The following SLC7A13 variants were observed in gnomAD, a reference collection of about 807,000 sequenced individuals.
SLC7A13 encodes the protein X-amino acid transporter 2.
SLC7A13 carries 31 observed loss-of-function variants against 32.0 expected under a neutral mutation model. The observed-to-expected ratio is 0.97, with a 90% CI of 0.73 to 1.31. The LOEUF (loss-of-function observed/expected upper bound fraction) is 1.31, where lower values mean the gene tolerates loss of function less well. Ranked by LOEUF, SLC7A13 falls within the 50% of genes most tolerant of loss-of-function variation. The pLI is 0.00. For missense variants in SLC7A13, 633 were observed against 546.9 expected (o/e 1.16, Z -1.57); for synonymous variants, 232 against 206.9 (o/e 1.12, Z -1.04).
chr8:86,230,196 C>G lies in SLC7A13; in HGVS notation c.82G>C (p.Gly28Arg). 1 of 1,614,006 alleles carries G rather than the reference C, an allele frequency of 6.2e-7. No individual in the cohort carries two copies. The highest frequency in any genetic ancestry group is 1.1e-5 in the South Asian group (1 of 91,038). Residue 28 changes from glycine (G) to arginine (R), a missense_variant, in exon 1 of 4, where the codon GGT becomes CGT. Coordinates refer to ENST00000297524, the MANE Select transcript of SLC7A13 (RefSeq NM_138817.3). ...TTGGGGGACACAAAAATTCCTGCAC[C>G]AATGATATTAATAAGCAAAAAACTT... ...GTSFLLINIIGAGIFVSPKGV... is the reference protein window; with the variant it reads ...GTSFLLINIIRAGIFVSPKGV...
chr8:86,221,396 G>A (rs1820292431), intron 2 of SLC7A13, among the ~76,000 whole-genome samples: 1 of 152,058 alleles, frequency 6.6e-6, no homozygotes, highest in Admixed American at 6.6e-5. Flanking sequence ...ATGTATGACT[G>A]ATTATTTTCT....
At chr8:86,218,468 C>T (rs1426556758) in intron 2 of SLC7A13, among the ~76,000 whole-genome samples, 1 of 152,112 alleles carries the variant, frequency 6.6e-6, no homozygotes, top group African/African-American at 2.4e-5. Context: ...TTGGCAATAT[C>T]TGGAGACTTT....
intron 2 of SLC7A13, among the ~76,000 whole-genome samples, chr8:86,219,862 A>T (rs1470308872): frequency 6.6e-6 from 1 of 152,086 alleles, no homozygotes. Context: ...CCCATTCTTG[A>T]TAGTTGTTCA....
chr8:86,223,406 T>C (rs1209223940), intron 1 of SLC7A13, among the ~76,000 whole-genome samples: 1 of 152,200 alleles, frequency 6.6e-6, no homozygotes, highest in Non-Finnish European at 1.5e-5. Flanking sequence ...TAATTATGAG[T>C]GAGAAGGTAT....
intron 1 of SLC7A13, among the ~76,000 whole-genome samples, chr8:86,225,077 T>TA (rs1293399687): frequency 6.6e-6 from 1 of 152,106 alleles, no homozygotes; most frequent in Non-Finnish European, 1.5e-5. Context: ...AAATCTTCCT[T>TA]AAAATATAGC....
intron 2 of SLC7A13, among the ~76,000 whole-genome samples, chr8:86,219,689 C>T (rs898339005): frequency 6.6e-5 from 10 of 152,144 alleles, no homozygotes; most frequent in Non-Finnish European, 1.3e-4. Context: ...TCATCTTGCT[C>T]TTATTGGTAC....
rs754622532 is a variant in SLC7A13, at chr8:86,229,909, A to G, written c.369T>C (p.Phe123=). Residue 123 remains phenylalanine (F), a synonymous_variant, in exon 1 of 4, where the codon TTT becomes TTC. Transcript: ENST00000297524. ...LLLAEYSIQP[F]FPSCSVPKLP... is the part of the protein sequence containing the mutation. ...GCTTTGGGACAGAGCAGCTGGGAAA[A>G]AAAGGCTGGATGCTGTACTCAGCAA... 8 of 1,614,088 alleles carry G rather than the reference A, an allele frequency of 5.0e-6. No individual in the cohort carries two copies. The highest frequency in any genetic ancestry group is 1.3e-5 in the African/African-American group (1 of 74,944).
Position 86,222,963 on chromosome 8 carries a change from C to G in SLC7A13, c.817+9G>C. 1 of 1,585,878 alleles carries G rather than the reference C, an allele frequency of 6.3e-7. No homozygotes were observed. Among genetic ancestry groups the G allele is most frequent in the Non-Finnish European group, 8.6e-7 (1 of 1,168,568 alleles). ...CTTTATTTATTGCTTTAGCCATTTG[C>G]ATACAAACCTGAAGAGAGAATTTCC... is the stretch of plus-strand genomic sequence containing the variant. On this transcript the variant is annotated intron_variant, in intron 2 of 3. Transcript: ENST00000297524.
intron 1 of SLC7A13, among the ~76,000 whole-genome samples, chr8:86,227,977 A>G (rs762621142): frequency 5.9e-5 from 9 of 152,114 alleles, no homozygotes; most frequent in Non-Finnish European, 1.2e-4. Flanking sequence ...AAAATTACCT[A>G]TTGGGTACAG....
intron 3 of SLC7A13, 106 bp downstream of exon 3, chr8:86,217,362 CTG>C: frequency 9.7e-7 from 1 of 1,034,740 alleles, no homozygotes; most frequent in Non-Finnish European, 1.3e-6. Flanking sequence ...TTCACAGTAA[CTG>C]AGTATTCAGA....
At position 86,214,425 on chromosome 8, in the gene SLC7A13, C is replaced by A; in HGVS notation, c.1401G>T (p.Val467=). ...QLLFNICLPD[V]SEE is the part of the protein sequence containing the mutation. ...GCACTTCCGACATCTATTCCTCAGA[C>A]ACATCAGGGAGGCAAATATTAAATA... is the stretch of plus-strand genomic sequence containing the variant. The change falls in exon 4 of 4, where the codon GTG becomes GTT. Residue 467 remains valine, a synonymous_variant. Transcript: ENST00000297524. The A allele has an allele frequency of 6.2e-7, 1 of 1,601,912 alleles. No homozygotes were observed. Among genetic ancestry groups the A allele is most frequent in the Non-Finnish European group, 8.5e-7 (1 of 1,173,712 alleles).
At chr8:86,228,032 C>CTATTATACAAATAAA (rs1183596318) in intron 1 of SLC7A13, among the ~76,000 whole-genome samples, 1 of 152,116 alleles carries the variant, frequency 6.6e-6, no homozygotes, top group Non-Finnish European at 1.5e-5. Context: ...CCAGACCTCA[C>CTATTATACAAATAAA]TATTATACAA....
intron 3 of SLC7A13, among the ~76,000 whole-genome samples, chr8:86,216,133 A>G (rs532659073): frequency 6.6e-6 from 1 of 152,200 alleles, no homozygotes; most frequent in Non-Finnish European, 1.5e-5. Context: ...GTATATAACA[A>G]ATTTATCCTC....
intron 1 of SLC7A13, among the ~76,000 whole-genome samples, chr8:86,227,298 A>C (rs1820403205): frequency 6.6e-6 from 1 of 152,192 alleles, no homozygotes; most frequent in Non-Finnish European, 1.5e-5. Context: ...ACATATATAA[A>C]TAACAAGGAA....
chr8:86,227,397 T>C (rs1329202012), intron 1 of SLC7A13, among the ~76,000 whole-genome samples: 13 of 152,040 alleles, frequency 8.6e-5, no homozygotes, highest in Non-Finnish European at 1.5e-4. Flanking sequence ...AGGGAAAAGA[T>C]AAAGAATTCA....
chr8:86,225,971 G>A (rs1022739784), intron 1 of SLC7A13, among the ~76,000 whole-genome samples: 3 of 152,028 alleles, frequency 2.0e-5, no homozygotes, highest in African/African-American at 7.3e-5. Context: ...AAAGTCGCCT[G>A]TCTACAAGTC....
intron 2 of SLC7A13, among the ~76,000 whole-genome samples, chr8:86,219,383 A>C (rs1336104498): frequency 6.6e-6 from 1 of 152,172 alleles, no homozygotes; most frequent in Non-Finnish European, 1.5e-5. Context: ...CTTTAGCTCT[A>C]TGCCACAAGG....
rs137892283 is a variant in SLC7A13 at position 86,216,662 on chromosome 8, T to G, written c.1179+808A>C. Among the ~76,000 whole-genome samples, 162 of 152,324 alleles carry G rather than the reference T, an allele frequency of 1.1e-3. 1 individual carries two copies. Among genetic ancestry groups the G allele is most frequent in the African/African-American group, 3.7e-3 (153 of 41,576 alleles). ...TTCTTATATTTTGTATTTAGCAAGA[T>G]TTAAACACTCCAAAGAGACTGCCTA... is the stretch of plus-strand genomic sequence containing the variant. On this transcript the variant is annotated intron_variant, in intron 3 of 3. Coordinates refer to ENST00000297524, the MANE Select transcript of SLC7A13 (RefSeq NM_138817.3).
chr8:86,224,616 C>G (rs143783331), intron 1 of SLC7A13, among the ~76,000 whole-genome samples: 2 of 152,230 alleles, frequency 1.3e-5, no homozygotes, highest in East Asian at 3.9e-4. Flanking sequence ...ACCATTTCCC[C>G]AAATTTTGTC....
Sources: allele counts gnomAD v4.1 joint callset (sites outside exome capture counted in the v4.1 genomes callset), GRCh38; gene constraint gnomAD v4.1.1; transcripts MANE v1.5; gene names NCBI Gene and HGNC (gene_info 2026-07-23, HGNC 2026-07-21).